The following EDRF1 variants were observed in gnomAD, a reference collection of about 807,000 sequenced individuals.
The protein encoded by EDRF1 is erythroid differentiation-related factor 1.
EDRF1 carries 69 observed loss-of-function variants against 148.7 expected under a neutral mutation model. The ratio of observed to expected loss-of-function variants is 0.46; its 90% CI spans 0.38 to 0.57. The LOEUF (loss-of-function observed/expected upper bound fraction) is 0.57, where lower values mean the gene tolerates loss of function less well. Among genes scored for constraint, EDRF1 ranks in the 20% least tolerant of loss-of-function variants. EDRF1 has a pLI of 0.00. For missense variants in EDRF1, 1,118 were observed against 1,478.7 expected (o/e 0.76, Z 4.00); for synonymous variants, 515 against 532.8 (o/e 0.97, Z 0.46).
At chr10:125,733,294 A>T in intron 9 of EDRF1, 110 bp from the exon 10 acceptor site, 1 of 823,524 alleles carries the variant, frequency 1.2e-6, no homozygotes, top group Non-Finnish European at 1.9e-6. Context: ...CTTTCATGCT[A>T]CATAGGTCTC....
In EDRF1 at chr10:125,723,150, C is replaced by A; in HGVS notation, c.384+16C>A. The A allele has an allele frequency of 6.2e-7, 1 of 1,610,578 alleles. No individual in the cohort carries two copies. The highest frequency in any genetic ancestry group is 1.3e-5 in the African/African-American group (1 of 74,920). ...TGACTCTGAAGTAAGTGTTATTTGT[C>A]GCTTAATGTAATTTTGGAGGTGTTT... is the stretch of plus-strand genomic sequence containing the variant. On this transcript the variant is annotated intron_variant, in intron 3 of 24. Coordinates refer to ENST00000356792, the MANE Select transcript of EDRF1 (RefSeq NM_001202438.2).
At position 125,747,519 on chromosome 10, in the gene EDRF1, T is replaced by C. The variant is rs187023115; in HGVS notation, c.2815-17T>C. The C allele has an allele frequency of 1.9e-6, 3 of 1,614,132 alleles. No individual in the cohort carries two copies. The highest frequency in any genetic ancestry group is 2.5e-6 in the Non-Finnish European group (3 of 1,179,960). ...TTTAAGCTGAGTCAGAAATGTACAC[T>C]GTTTTCTCCTTTGCAGGCTATTGAT... On this transcript the variant is annotated splice_polypyrimidine_tract_variant and intron_variant, in intron 19 of 24. Transcript: ENST00000356792.
chr10:125,733,877 A>G, intron 11 of EDRF1, 134 bp downstream of exon 11: 1 of 911,916 alleles, frequency 1.1e-6, no homozygotes, highest in Admixed American at 2.2e-5. Context: ...ACACGTACAC[A>G]TTGTACCAAA....
chr10:125,723,736 G>A, intron 3 of EDRF1, 75 bp from the exon 4 acceptor site: 1 of 1,446,522 alleles, frequency 6.9e-7, no homozygotes, highest in Non-Finnish European at 9.6e-7. Flanking sequence ...TAAAATGAAT[G>A]AAGCTAAAAT....
chr10:125,731,763 A>G, intron 9 of EDRF1: 1 of 339,750 alleles, frequency 2.9e-6, no homozygotes, highest in East Asian at 7.7e-5. Context: ...GGAACTATTA[A>G]GAATCAACAA....
chr10:125,743,216 A>G lies in EDRF1; in HGVS notation c.2530A>G (p.Arg844Gly). ...AGTATTAAAGAGAATGGGTAACATT[A>G]GAAATGAAATTGGTGTGTTTTACAT... Reference protein sequence around the residue: ...VQVLKRMGNIRNEIGVFYMNQ... With the variant: ...VQVLKRMGNIGNEIGVFYMNQ... The change falls in exon 18 of 25, where the codon AGA (arginine) becomes GGA (glycine). Residue 844 changes from arginine to glycine, a missense_variant. By Grantham distance (125) the Arg-to-Gly change is moderately radical. Coordinates refer to ENST00000356792, the MANE Select transcript of EDRF1 (RefSeq NM_001202438.2). 6.2e-7 allele frequency: 1 copy of G among 1,613,948 alleles called. No individual in the cohort carries two copies.
chr10:125,728,526 G>A (rs563027928), intron 6 of EDRF1, among the ~76,000 whole-genome samples: 1 of 151,948 alleles, frequency 6.6e-6, no homozygotes, highest in Non-Finnish European at 1.5e-5. Context: ...ATTTCTTAGG[G>A]TTTCTTTTTT....
intron 17 of EDRF1, chr10:125,741,564 T>A (rs1431063008): frequency 3.4e-6 from 1 of 297,216 alleles, no homozygotes; most frequent in Non-Finnish European, 6.7e-6. Context: ...ATTTCCTAAT[T>A]TTAAGATTAA....
chr10:125,756,126 A>G (rs1426510350), intron 24 of EDRF1, among the ~76,000 whole-genome samples: 2 of 152,130 alleles, frequency 1.3e-5, no homozygotes, highest in Admixed American at 6.5e-5. Flanking sequence ...TACATCTCAT[A>G]TATTTTTGTA....
At chr10:125,749,186 G>T (rs1008961021) in intron 21 of EDRF1, 5 of 524,556 alleles carry the variant, frequency 9.5e-6, no homozygotes, top group Non-Finnish European at 1.7e-5. Context: ...GGCGGAGGTT[G>T]CAGTGAGCCA....
chr10:125,761,841 A>G (rs1045335006), intron 24 of EDRF1, among the ~76,000 whole-genome samples: 18 of 152,226 alleles, frequency 1.2e-4, no homozygotes, highest in African/African-American at 4.3e-4. Flanking sequence ...CACAAAGAAT[A>G]AGTCATCTTT....
chr10:125,737,836 A>G (rs2133708526), intron 13 of EDRF1, 82 bp from the exon 14 acceptor site: 1 of 1,356,788 alleles, frequency 7.4e-7, no homozygotes, highest in Non-Finnish European at 1.1e-6. Flanking sequence ...TAATGCTTAC[A>G]GTAATTTAAT....
chr10:125,754,578 G>C (rs1186814186), intron 24 of EDRF1, among the ~76,000 whole-genome samples: 1 of 152,232 alleles, frequency 6.6e-6, no homozygotes, highest in Non-Finnish European at 1.5e-5. Flanking sequence ...AAGCAGGAGA[G>C]AAGAGCGCAC....
At chr10:125,729,302 TGGG>T in intron 7 of EDRF1, 53 bp from the exon 8 acceptor site, 1 of 1,598,284 alleles carries the variant, frequency 6.3e-7, no homozygotes, top group South Asian at 1.1e-5. Flanking sequence ...TTATGGATCA[TGGG>T]GGGAAATTAC....
Position 125,719,710 on chromosome 10 carries a change from G to C in EDRF1, c.-98G>C. ...CTTCCTGGCAGAGACCGGAAGTGCGGTCCGCGGAGCGTCTCTGGCGCTTAC... is the reference window on the plus strand; with the variant it reads ...CTTCCTGGCAGAGACCGGAAGTGCGCTCCGCGGAGCGTCTCTGGCGCTTAC... On this transcript the variant is annotated 5_prime_UTR_variant, in exon 1 of 25. Coordinates refer to ENST00000356792, the MANE Select transcript of EDRF1 (RefSeq NM_001202438.2). 2.3e-6 allele frequency: 2 copies of C among 866,152 alleles called. No homozygotes were observed. The highest frequency in any genetic ancestry group is 3.5e-6 in the Non-Finnish European group (2 of 569,268). The allele number at this position is 866,152 out of a possible 1,614,324, so 53.7% of individuals were successfully genotyped here.
intron 8 of EDRF1, among the ~76,000 whole-genome samples, chr10:125,729,880 T>A (rs1429604013): frequency 6.6e-6 from 1 of 152,252 alleles, no homozygotes; most frequent in East Asian, 1.9e-4. Flanking sequence ...TTAGTTAGAT[T>A]CCTACTAACT....
intron 13 of EDRF1, among the ~76,000 whole-genome samples, chr10:125,736,687 C>T (rs990494383): frequency 2.6e-5 from 4 of 151,942 alleles, no homozygotes; most frequent in African/African-American, 4.8e-5. Flanking sequence ...ATTGGTTTGC[C>T]GTGGCCATGC....
chr10:125,723,694 A>G lies in EDRF1; in HGVS notation c.385-117A>G, dbSNP rs910863121. On this transcript the variant is annotated intron_variant, in intron 3 of 24. Coordinates refer to ENST00000356792, the MANE Select transcript of EDRF1 (RefSeq NM_001202438.2). ...GCTTTTTGTTTAAAGTTCTATTTGT[A>G]TAACCTTAAGGAAATAAGGTTTATT... is the stretch of plus-strand genomic sequence containing the variant. 4.9e-5 allele frequency: 54 copies of G among 1,108,730 alleles called. No homozygotes were observed. In the African/African-American group the frequency reaches 8.4e-4, roughly 17 times the overall value. 68.7% of individuals were successfully genotyped at this position (1,108,730 alleles called of 1,614,324 possible). A position where few individuals can be genotyped will look rare whatever the true frequency, so the allele number is the denominator to read the frequency against.
Position 125,733,557 on chromosome 10 carries a change from C to G in EDRF1, c.1276+6C>G. ...TACCTATTGGCTCTTTAAAGGTAAGCTATTAATACTTCTTGAGTGAACAAT... is the reference window on the plus strand; with the variant it reads ...TACCTATTGGCTCTTTAAAGGTAAGGTATTAATACTTCTTGAGTGAACAAT... On this transcript the variant is annotated splice_donor_region_variant and intron_variant, in intron 10 of 24. Transcript: ENST00000356792. 1 of 1,602,966 alleles carries G rather than the reference C, an allele frequency of 6.2e-7. No homozygotes were observed. Among genetic ancestry groups the G allele is most frequent in the Non-Finnish European group, 8.5e-7 (1 of 1,170,094 alleles).
Sources: gnomAD v4.1 joint callset for allele counts (sites outside exome capture counted in the v4.1 genomes callset) on GRCh38, gnomAD v4.1.1 for gene constraint, MANE v1.5 for transcripts, NCBI Gene and HGNC (gene_info 2026-07-23, HGNC 2026-07-21) for gene names.